DLG2: variants seen among roughly 807,000 people sequenced by gnomAD.
DLG2 encodes discs large MAGUK scaffold protein 2.
DLG2 carries 45 observed loss-of-function variants against 132.5 expected under a neutral mutation model. The observed-to-expected ratio is 0.34, with a 90% CI of 0.27 to 0.44. The LOEUF (loss-of-function observed/expected upper bound fraction) is 0.44. Among genes scored for constraint, DLG2 ranks in the 20% least tolerant of loss-of-function variants. DLG2 has a pLI of 1.00. For missense variants in DLG2, 1,045 were observed against 1,196.9 expected (o/e 0.87, Z 1.87); for synonymous variants, 424 against 419.6 (o/e 1.01, Z -0.13).
intron 3 of DLG2, among the ~76,000 whole-genome samples, chr11:85,594,727 T>C (rs1220899488): frequency 6.6e-6 from 1 of 152,134 alleles, no homozygotes; most frequent in Non-Finnish European, 1.5e-5. Context: ...GGTAATATAG[T>C]TGTTTAAAAA....
At chr11:83,545,949 C>T (rs185297884) in intron 19 of DLG2, among the ~76,000 whole-genome samples, 10 of 152,228 alleles carry the variant, frequency 6.6e-5, no homozygotes, top group African/African-American at 2.4e-4. Context: ...TTTTAATTTG[C>T]TTTATGTGTT....
chr11:84,872,877 C>T (rs1435363584), intron 6 of DLG2, among the ~76,000 whole-genome samples: 1 of 152,136 alleles, frequency 6.6e-6, no homozygotes, highest in Non-Finnish European at 1.5e-5. Flanking sequence ...ACATACATGG[C>T]TTTTTATGTG....
chr11:84,193,791 T>C (rs918962739), intron 8 of DLG2, among the ~76,000 whole-genome samples: 13 of 152,210 alleles, frequency 8.5e-5, no homozygotes, highest in Non-Finnish European at 1.9e-4. Flanking sequence ...TATCATCCTT[T>C]GTTACACTGT....
At chr11:85,340,105 G>T (rs2082383386) in intron 3 of DLG2, among the ~76,000 whole-genome samples, 1 of 152,138 alleles carries the variant, frequency 6.6e-6, no homozygotes, top group Admixed American at 6.5e-5. Flanking sequence ...TCTAGAACTA[G>T]AATTACCATT....
At chr11:84,832,619 A>G (rs992212801) in intron 6 of DLG2, among the ~76,000 whole-genome samples, 1 of 151,672 alleles carries the variant, frequency 6.6e-6, no homozygotes, top group Admixed American at 6.6e-5. Context: ...TAGGCCTGAA[A>G]AGCAACATAA....
chr11:85,065,919 G>A (rs1179786634), intron 6 of DLG2, among the ~76,000 whole-genome samples: 2 of 151,056 alleles, frequency 1.3e-5, no homozygotes, highest in Admixed American at 1.3e-4. Context: ...CTAAAAAAAG[G>A]AATAAACCAA....
chr11:85,545,582 C>T (rs1210556091), intron 3 of DLG2, among the ~76,000 whole-genome samples: 1 of 152,070 alleles, frequency 6.6e-6, no homozygotes, highest in Non-Finnish European at 1.5e-5. Context: ...CCTCCTTGTA[C>T]CTCTGGTAGA....
intron 17 of DLG2, among the ~76,000 whole-genome samples, chr11:83,803,793 A>G (rs1051951570): frequency 1.3e-5 from 2 of 152,152 alleles, no homozygotes; most frequent in Admixed American, 6.6e-5. Context: ...TGCTGCCTCC[A>G]GAGACATATC....
At chr11:84,869,576 G>A (rs1437301750) in intron 6 of DLG2, among the ~76,000 whole-genome samples, 2 of 152,120 alleles carry the variant, frequency 1.3e-5, no homozygotes, top group Non-Finnish European at 2.9e-5. Context: ...GCATCTGATG[G>A]ACAACCTAAG....
At chr11:84,512,893 A>C (rs1238781928) in intron 7 of DLG2, among the ~76,000 whole-genome samples, 1 of 152,120 alleles carries the variant, frequency 6.6e-6, no homozygotes, top group African/African-American at 2.4e-5. Flanking sequence ...AGGAACAGAA[A>C]ACCAAACACC....
chr11:84,851,698 G>A (rs2082186296), intron 6 of DLG2, among the ~76,000 whole-genome samples: 1 of 151,894 alleles, frequency 6.6e-6, no homozygotes, highest in Non-Finnish European at 1.5e-5. Flanking sequence ...CATTTGGTGT[G>A]AGTAAATCTC....
intron 7 of DLG2, among the ~76,000 whole-genome samples, chr11:84,451,035 A>T (rs1053905934): frequency 9.9e-5 from 15 of 151,898 alleles, no homozygotes; most frequent in African/African-American, 2.9e-4. Context: ...ATAAAATTTG[A>T]AATTATTTTT....
intron 7 of DLG2, among the ~76,000 whole-genome samples, chr11:84,448,282 T>C (rs2099041449): frequency 6.6e-6 from 1 of 152,050 alleles, no homozygotes; most frequent in Non-Finnish European, 1.5e-5. Context: ...GCAATAGTCT[T>C]AGTTTTAATT....
intron 7 of DLG2, among the ~76,000 whole-genome samples, chr11:84,282,119 A>C (rs2097859609): frequency 6.6e-6 from 1 of 152,220 alleles, no homozygotes; most frequent in Non-Finnish European, 1.5e-5. Flanking sequence ...ATAACATCAA[A>C]AGATGAATAG....
intron 2 of DLG2, among the ~76,000 whole-genome samples, chr11:85,602,385 CTCT>C (rs1184221331): frequency 2.6e-5 from 4 of 152,000 alleles, no homozygotes; most frequent in African/African-American, 2.4e-5. Context: ...ACAGTCTTTT[CTCT>C]TTTTTTTCTT....
intron 7 of DLG2, among the ~76,000 whole-genome samples, chr11:84,476,254 C>T (rs2099121407): frequency 6.6e-6 from 1 of 152,080 alleles, no homozygotes; most frequent in South Asian, 2.1e-4. Context: ...TGTGTGCTGA[C>T]CTTCACTTGA....
At chr11:84,035,483 T>G (rs1433034042) in intron 11 of DLG2, among the ~76,000 whole-genome samples, 1 of 152,186 alleles carries the variant, frequency 6.6e-6, no homozygotes, top group Non-Finnish European at 1.5e-5. Context: ...AATAGCCAAC[T>G]ACAAAAGCTG....
chr11:84,049,742 C>T (rs535913728), intron 11 of DLG2, among the ~76,000 whole-genome samples: 8 of 151,566 alleles, frequency 5.3e-5, no homozygotes, highest in Admixed American at 2.6e-4. Flanking sequence ...CTTTTCATGC[C>T]CTATGGGTTA....
chr11:83,756,639 G>A (rs1369635012), intron 18 of DLG2, among the ~76,000 whole-genome samples: 2 of 151,266 alleles, frequency 1.3e-5, no homozygotes, highest in African/African-American at 2.5e-5. Flanking sequence ...TGTGAGAATC[G>A]AATGTGGTAA....
Sources: allele counts gnomAD v4.1 joint callset (sites outside exome capture counted in the v4.1 genomes callset), GRCh38; gene constraint gnomAD v4.1.1; transcripts MANE v1.5; gene names NCBI Gene and HGNC (gene_info 2026-07-23, HGNC 2026-07-21).